ZDHHC14: variants seen among roughly 807,000 people sequenced by gnomAD.
The protein encoded by ZDHHC14 is palmitoyltransferase ZDHHC14.
Under a neutral mutation model 47.7 loss-of-function variants are expected in ZDHHC14, and 16 were observed. The ratio of observed to expected loss-of-function variants is 0.34; its 90% CI spans 0.23 to 0.51. The LOEUF (loss-of-function observed/expected upper bound fraction) is 0.51, where lower values mean the gene tolerates loss of function less well. Ranked by LOEUF, ZDHHC14 falls within the 20% of genes least tolerant of loss-of-function variation. The pLI, the probability that ZDHHC14 is intolerant of heterozygous loss-of-function variation, is 0.97. For missense variants in ZDHHC14, 515 were observed against 662.5 expected, an observed-to-expected ratio of 0.78 and a Z score of 2.44; for synonymous variants, 293 against 278.9, an observed-to-expected ratio of 1.05 and a Z score of -0.50.
rs906033148 is a variant in ZDHHC14 at position 157,673,235 on chromosome 6, A to G, written c.*113A>G. On this transcript the variant is annotated 3_prime_UTR_variant, in exon 9 of 9. Transcript: ENST00000359775. The surrounding 1 kb of genome is among the most constrained non-coding windows in gnomAD (Gnocchi z 5.4). ...CAGCCAATGCCACGGTGGAGATGACAGCCCCAGGTCTGGGGTACAGAGACC... is the reference window on the plus strand; with the variant it reads ...CAGCCAATGCCACGGTGGAGATGACGGCCCCAGGTCTGGGGTACAGAGACC... 5 of 1,395,410 alleles carry G rather than the reference A, an allele frequency of 3.6e-6. No homozygotes were observed. In the Admixed American group the frequency reaches 9.1e-5, roughly 25 times the overall value. 86.4% of individuals were successfully genotyped at this position (1,395,410 alleles called of 1,614,324 possible).
At position 157,653,506 on chromosome 6, in the gene ZDHHC14, G is replaced by A. The variant is rs1042907418; in HGVS notation, c.966-19G>A. On this transcript the variant is annotated intron_variant, in intron 7 of 8. Coordinates refer to ENST00000359775, the MANE Select transcript of ZDHHC14 (RefSeq NM_024630.3). ...TTTTTATTCACTCTCTTCCTGCTGT[G>A]TTTTCTTTTCTCTCGCAGCCTGATC... 1.2e-6 allele frequency: 2 copies of A among 1,612,790 alleles called. No homozygotes were observed. The highest frequency in any genetic ancestry group is 2.2e-5 in the East Asian group (1 of 44,870).
At chr6:157,536,076 T>C (rs1781537283) in intron 1 of ZDHHC14, among the ~76,000 whole-genome samples, 1 of 152,242 alleles carries the variant, frequency 6.6e-6, no homozygotes. Context: ...TTATTTCATT[T>C]ATGATTGTTT....
At chr6:157,556,050 G>A (rs113927513) in intron 2 of ZDHHC14, among the ~76,000 whole-genome samples, 4,433 of 152,230 alleles carry the variant, frequency 0.029, 111 homozygotes, top group African/African-American at 0.066. Context: ...ATGCGGGGCG[G>A]CAGAGACCAG....
intron 1 of ZDHHC14, among the ~76,000 whole-genome samples, chr6:157,394,170 A>G (rs1320857764): frequency 3.3e-5 from 5 of 152,008 alleles, no homozygotes; most frequent in African/African-American, 7.2e-5. Context: ...CCGCCTACCC[A>G]CCGCCATCAG....
chr6:157,434,636 C>T (rs1052945665), intron 1 of ZDHHC14, among the ~76,000 whole-genome samples: 5 of 150,932 alleles, frequency 3.3e-5, no homozygotes, highest in African/African-American at 1.2e-4. Context: ...CCTGTGAGTA[C>T]TTTCAAAATG....
At chr6:157,455,028 C>T (rs1778880967) in intron 1 of ZDHHC14, among the ~76,000 whole-genome samples, 1 of 152,184 alleles carries the variant, frequency 6.6e-6, no homozygotes, top group Non-Finnish European at 1.5e-5. Flanking sequence ...TCTCATTTAT[C>T]GCAAACTGAC....
chr6:157,476,777 C>A (rs1172643430), intron 1 of ZDHHC14, among the ~76,000 whole-genome samples: 1 of 152,004 alleles, frequency 6.6e-6, no homozygotes, highest in African/African-American at 2.4e-5. Context: ...ATATAATACA[C>A]CACATTAACA....
chr6:157,668,124 C>T (rs947039668), intron 8 of ZDHHC14, among the ~76,000 whole-genome samples: 1 of 152,192 alleles, frequency 6.6e-6, no homozygotes, highest in African/African-American at 2.4e-5. Context: ...GACTTAGATA[C>T]TTAGGTGCCT....
At chr6:157,445,144 A>ACTCT (rs1554258073) in intron 1 of ZDHHC14, among the ~76,000 whole-genome samples, 16 of 146,838 alleles carry the variant, frequency 1.1e-4, no homozygotes, top group African/African-American at 1.8e-4. Flanking sequence ...ACACACACAC[A>ACTCT]CTCTTCATAT....
chr6:157,577,189 T>G (rs1178185984), intron 2 of ZDHHC14, among the ~76,000 whole-genome samples: 2 of 152,202 alleles, frequency 1.3e-5, no homozygotes, highest in Non-Finnish European at 2.9e-5. Flanking sequence ...ACAGTGAACA[T>G]GATTTCATTC....
chr6:157,612,957 T>G (rs1184710886), intron 3 of ZDHHC14, among the ~76,000 whole-genome samples: 1 of 151,956 alleles, frequency 6.6e-6, no homozygotes, highest in African/African-American at 2.4e-5. Flanking sequence ...ACCCATATCC[T>G]TCACCCTCAA....
intron 1 of ZDHHC14, among the ~76,000 whole-genome samples, chr6:157,459,877 C>G (rs1444837376): frequency 2.0e-5 from 3 of 151,968 alleles, no homozygotes; most frequent in African/African-American, 4.8e-5. Context: ...GAGTTTGAGA[C>G]CAGCCTGGGC....
intron 1 of ZDHHC14, among the ~76,000 whole-genome samples, chr6:157,402,479 G>C (rs996304157): frequency 2.6e-5 from 4 of 152,240 alleles, no homozygotes; most frequent in African/African-American, 7.2e-5. Flanking sequence ...AGCTGCAGTA[G>C]TGAGATGCAC....
At chr6:157,612,907 GA>G (rs369559480) in intron 3 of ZDHHC14, among the ~76,000 whole-genome samples, 4,751 of 149,530 alleles carry the variant, frequency 0.032, 277 homozygotes, top group African/African-American at 0.11. Flanking sequence ...CAACTGGGGG[GA>G]AAAAAAAAGC....
intron 3 of ZDHHC14, among the ~76,000 whole-genome samples, chr6:157,618,883 C>A (rs895572484): frequency 1.3e-5 from 2 of 152,176 alleles, no homozygotes; most frequent in African/African-American, 4.8e-5. Flanking sequence ...CATTTCTACT[C>A]ACTTGTTTAC....
rs1373718724 is a variant in ZDHHC14 at position 157,675,954 on chromosome 6, A to G, written c.*2832A>G. 2 of 152,386 alleles carry G rather than the reference A, an allele frequency of 1.3e-5. No individual in the cohort carries two copies. The highest frequency in any genetic ancestry group is 1.9e-4 in the East Asian group (1 of 5,182). The allele number at this position is 152,386 out of a possible 1,614,324, so 9.4% of individuals were successfully genotyped here. On this transcript the variant is annotated 3_prime_UTR_variant, in exon 9 of 9. Transcript: ENST00000359775. ...CACACACTCATTCTGCTGTTTAAAA[A>G]TTCATCTGCGTTCGTTCTCCCAGGA...
chr6:157,669,643 A>C (rs1778704289), intron 8 of ZDHHC14, among the ~76,000 whole-genome samples: 1 of 152,272 alleles, frequency 6.6e-6, no homozygotes, highest in South Asian at 2.1e-4. Context: ...AGGTCAACAG[A>C]GACAAGCAAA....
At chr6:157,658,171 T>C (rs1021040692) in intron 8 of ZDHHC14, among the ~76,000 whole-genome samples, 1 of 152,070 alleles carries the variant, frequency 6.6e-6, no homozygotes, top group African/African-American at 2.4e-5. Context: ...TAGAGATGAC[T>C]GGCATGAGGG....
At chr6:157,573,793 A>G (rs546881158) in intron 2 of ZDHHC14, among the ~76,000 whole-genome samples, 1 of 152,178 alleles carries the variant, frequency 6.6e-6, no homozygotes, top group Non-Finnish European at 1.5e-5. Flanking sequence ...AGCGCAGCTC[A>G]GCCATGGTGC....
Sources: allele counts gnomAD v4.1 joint callset (sites outside exome capture counted in the v4.1 genomes callset), GRCh38; gene constraint gnomAD v4.1.1; non-coding constraint Gnocchi (gnomAD v3.1); transcripts MANE v1.5; gene names NCBI Gene and HGNC (gene_info 2026-07-23, HGNC 2026-07-21).